Variants in SRSF4 observed in about 807,000 individuals in gnomAD.
The protein encoded by SRSF4 is serine and arginine rich splicing factor 4, also known as serine/arginine-rich splicing factor 4.
In SRSF4, 12 loss-of-function variants were observed where a neutral mutation model predicts 48.8. The ratio of observed to expected loss-of-function variants is 0.25; its 90% confidence interval spans 0.16 to 0.40. SRSF4 has a LOEUF of 0.40. Ranked by LOEUF, SRSF4 falls within the 10% of genes least tolerant of loss-of-function variation. The probability of loss-of-function intolerance (pLI) is 1.00; values close to 1 mark genes in which losing one functional copy is unlikely to be tolerated. For missense variants in SRSF4, 466 were observed against 667.1 expected (o/e 0.70, Z 3.32); for synonymous variants, 248 against 232.5 (o/e 1.07, Z -0.61).
chr1:29,153,511 G>A (rs867803386), intron 4 of SRSF4, among the ~76,000 whole-genome samples: 6 of 151,928 alleles, frequency 3.9e-5, no homozygotes, highest in East Asian at 1.9e-4. Context: ...CAGGTGCTAA[G>A]TAAGACAAAA....
intron 1 of SRSF4, among the ~76,000 whole-genome samples, chr1:29,175,787 TAAAG>T (rs1008995491): frequency 2.7e-5 from 4 of 147,304 alleles, no homozygotes; most frequent in East Asian, 2.0e-4. Flanking sequence ...TAACTATACA[TAAAG>T]AGAGTTATTC....
chr1:29,160,072 C>T (rs1006510261), intron 2 of SRSF4: 2 of 254,026 alleles, frequency 7.9e-6, no homozygotes, highest in Non-Finnish European at 1.5e-5. Context: ...TTAATTAAAA[C>T]ATTGAGGTCT....
rs1463204801 is a variant in SRSF4 at position 29,150,136 on chromosome 1, TTGC to T, written c.632_634del (p.Ser211del). 1.9e-6 allele frequency: 3 copies of T among 1,613,990 alleles called. No homozygotes were observed. Among genetic ancestry groups the T allele is most frequent in the African/African-American group, 2.7e-5 (2 of 74,934 alleles). On this transcript the variant is annotated inframe_deletion, in exon 5 of 6. Coordinates refer to ENST00000373795, the MANE Select transcript of SRSF4 (RefSeq NM_005626.5). ...AGATCTACTCTTAGAATGACTGCTT[TTGC>T]TGCTGCCACTTCGGCTTCTGCTCTT...
intron 1 of SRSF4, among the ~76,000 whole-genome samples, chr1:29,175,569 C>G (rs561252762): frequency 1.1e-4 from 16 of 149,682 alleles, no homozygotes; most frequent in Non-Finnish European, 1.9e-4. Flanking sequence ...GTGGCGGGCT[C>G]CTGTAGTCCC....
chr1:29,156,976 C>T (rs1255073950), intron 3 of SRSF4, among the ~76,000 whole-genome samples: 2 of 152,170 alleles, frequency 1.3e-5, no homozygotes. Context: ...GAAGGCAGTG[C>T]GTCATACACG....
In SRSF4 at chr1:29,148,797, A is replaced by ACTGCGG. The variant is rs1216852797; in HGVS notation, c.1092_1097dup (p.Arg371_Ser372dup). The ACTGCGG allele has an allele frequency of 6.2e-7, 1 of 1,609,734 alleles. No individual in the cohort carries two copies. ...CACTCTTGCTGCGGCTGCGACTGCG[A>ACTGCGG]CTGCGGCTCTCCTCTCTGCTTCTCT... On this transcript the variant is annotated inframe_insertion, in exon 6 of 6. Coordinates refer to ENST00000373795, the MANE Select transcript of SRSF4 (RefSeq NM_005626.5).
At chr1:29,154,386 G>A (rs761355853) in intron 4 of SRSF4, 30 of 275,206 alleles carry the variant, frequency 1.1e-4, no homozygotes, top group Non-Finnish European at 1.9e-4. Context: ...TAGTACAGAT[G>A]GGGTTTCACC....
chr1:29,152,228 A>G (rs2151812556), intron 4 of SRSF4, among the ~76,000 whole-genome samples: 1 of 152,356 alleles, frequency 6.6e-6, no homozygotes, highest in Non-Finnish European at 1.5e-5. Flanking sequence ...TACTACAGAT[A>G]CATACTGAAG....
chr1:29,155,502 A>G (rs1267161724), intron 3 of SRSF4, among the ~76,000 whole-genome samples: 1 of 152,204 alleles, frequency 6.6e-6, no homozygotes, highest in African/African-American at 2.4e-5. Flanking sequence ...ATTTAAAAAC[A>G]AACAAAAAAC....
At chr1:29,151,297 TAAG>T (rs983572831) in intron 4 of SRSF4, among the ~76,000 whole-genome samples, 116 of 152,264 alleles carry the variant, frequency 7.6e-4, no homozygotes, top group African/African-American at 2.7e-3. Context: ...TCAATGATAC[TAAG>T]AAGAAACAGA....
chr1:29,149,007 A>G lies in SRSF4; in HGVS notation c.888T>C (p.Ser296=). 6.2e-7 allele frequency: 1 copy of G among 1,611,348 alleles called. No homozygotes were observed. ...GACTCCTGCTCCGACTTTTGCTCTT[A>G]CTTTTATGCCTGCTAGGACTCCGGC... ...PKSRSPSRHK[S]KSKSRSRSQE... is the part of the protein sequence containing the mutation. The change falls in exon 6 of 6, where the codon AGT becomes AGC. Residue 296 remains serine, a synonymous_variant. Coordinates refer to ENST00000373795, the MANE Select transcript of SRSF4 (RefSeq NM_005626.5).
At chr1:29,181,030 AATTT>A in intron 1 of SRSF4, among the ~76,000 whole-genome samples, 1 of 152,308 alleles carries the variant, frequency 6.6e-6, no homozygotes, top group Admixed American at 6.5e-5. Flanking sequence ...TTAAGACTTT[AATTT>A]ACTCTTGCAG....
intron 1 of SRSF4, among the ~76,000 whole-genome samples, chr1:29,180,583 T>A (rs1367205740): frequency 6.6e-6 from 1 of 152,184 alleles, no homozygotes; most frequent in Non-Finnish European, 1.5e-5. Context: ...GGTAGCTATA[T>A]TACAACTGTT....
chr1:29,148,855 C>A lies in SRSF4; in HGVS notation c.1040G>T (p.Arg347Leu), dbSNP rs554229376. The part of the protein sequence containing the change: ...KGGSRSRSRS[R>L]SKSKDKRKGR... ...CTTCCTCTTGTCCTTGCTCTTGCTG[C>A]GGCTCCTGCTCCGGCTCCTGCTGCC... is the stretch of plus-strand genomic sequence containing the variant. The change falls in exon 6 of 6, where the codon CGC becomes CTC. Residue 347 changes from arginine to leucine, a missense_variant. Around this residue, in one of 2 missense-constraint regions of SRSF4, gnomAD observed 402 missense variants for 437.0 expected, o/e 0.92. Transcript: ENST00000373795. 1 of 1,608,740 alleles carries A rather than the reference C, an allele frequency of 6.2e-7. No homozygotes were observed. Among genetic ancestry groups the A allele is most frequent in the South Asian group, 1.1e-5 (1 of 90,850 alleles).
At chr1:29,180,383 G>C (rs1672936900) in intron 1 of SRSF4, among the ~76,000 whole-genome samples, 2 of 152,048 alleles carry the variant, frequency 1.3e-5, no homozygotes, top group East Asian at 1.9e-4. Flanking sequence ...TACTGTAAAA[G>C]AAATCAGTAC....
At chr1:29,171,638 A>G (rs1436237960) in intron 1 of SRSF4, 2 of 152,062 alleles carry the variant, frequency 1.3e-5, no homozygotes, top group African/African-American at 4.8e-5. Flanking sequence ...ACAAATTTGT[A>G]AGTATCACCC....
At chr1:29,160,952 C>CATGTGA (rs1672585964) in intron 1 of SRSF4, among the ~76,000 whole-genome samples, 2 of 152,222 alleles carry the variant, frequency 1.3e-5, no homozygotes, top group Non-Finnish European at 2.9e-5. Context: ...TGTGTAATAA[C>CATGTGA]TGTTGAATCA....
chr1:29,149,372 C>T (rs1395393119), intron 5 of SRSF4, 146 bp from the exon 6 acceptor site: 1 of 1,066,120 alleles, frequency 9.4e-7, no homozygotes, highest in Non-Finnish European at 1.3e-6. Flanking sequence ...TGAACCCTCA[C>T]AATGCCAATC....
chr1:29,156,022 G>C (rs988065271), intron 3 of SRSF4, among the ~76,000 whole-genome samples: 2 of 152,118 alleles, frequency 1.3e-5, no homozygotes, highest in South Asian at 2.1e-4. Context: ...GACAGAGCGG[G>C]ACTCCATCTC....
Sources: allele counts gnomAD v4.1 joint callset (sites outside exome capture counted in the v4.1 genomes callset), GRCh38; gene constraint gnomAD v4.1.1; regional missense constraint gnomAD v4.1.1; transcripts MANE v1.5; gene names NCBI Gene and HGNC (gene_info 2026-07-23, HGNC 2026-07-21).